ATP5F1B: variants seen among roughly 807,000 people sequenced by gnomAD.
The protein encoded by ATP5F1B is ATP synthase F1 subunit beta, also known as ATP synthase F(1) complex subunit beta, mitochondrial.
ATP5F1B carries 17 observed loss-of-function variants against 45.9 expected under a neutral mutation model. That is an observed-to-expected ratio of 0.37 (90% confidence interval 0.25 to 0.56). The LOEUF (loss-of-function observed/expected upper bound fraction) is 0.56, where lower values mean the gene tolerates loss of function less well. ATP5F1B is among the 20% of genes least tolerant of loss of function. The probability of loss-of-function intolerance (pLI) is 0.80; values close to 1 mark genes in which losing one functional copy is unlikely to be tolerated. For synonymous variants in ATP5F1B, 218 were observed against 256.5 expected (o/e 0.85, Z 1.43); for missense variants, 387 against 673.2 (o/e 0.57, Z 4.70).
Position 56,638,433 on chromosome 12 carries a change from G to T in ATP5F1B, c.1490-10C>A. ...AGATGGTCATATTCACCTGTATGAT[G>T]GGGGAGAAAAAAAAAAAGAGTAAGA... On this transcript the variant is annotated splice_polypyrimidine_tract_variant and intron_variant, in intron 9 of 9. Transcript: ENST00000262030. 6.3e-7 allele frequency: 1 copy of T among 1,586,978 alleles called. No individual in the cohort carries two copies. Among genetic ancestry groups the T allele is most frequent in the African/African-American group, 1.4e-5 (1 of 73,768 alleles).
At position 56,639,368 on chromosome 12, in the gene ATP5F1B, A is replaced by G. The variant is rs536057742; in HGVS notation, c.1288-61T>C. 1.8e-5 allele frequency: 28 copies of G among 1,525,150 alleles called. No homozygotes were observed. The East Asian group carries it at 6.1e-4, about 33-fold the overall frequency. 94.5% of individuals were successfully genotyped at this position (1,525,150 alleles called of 1,614,324 possible). The stretch of plus-strand genomic sequence containing the variant: ...ATTCCTTTAATTTGGACAAGCTAAC[A>G]AAGGGAAAGTTACATGCTAGGGGGC... On this transcript the variant is annotated intron_variant, in intron 8 of 9. Coordinates refer to ENST00000262030, the MANE Select transcript of ATP5F1B (RefSeq NM_001686.4).
chr12:56,638,439 G>T lies in ATP5F1B; in HGVS notation c.1490-16C>A. On this transcript the variant is annotated splice_polypyrimidine_tract_variant and intron_variant, in intron 9 of 9. Coordinates refer to ENST00000262030, the MANE Select transcript of ATP5F1B (RefSeq NM_001686.4). ...TCATATTCACCTGTATGATGGGGGAGAAAAAAAAAAAGAGTAAGAAGCGGA... is the reference window on the plus strand; with the variant it reads ...TCATATTCACCTGTATGATGGGGGATAAAAAAAAAAAGAGTAAGAAGCGGA... 4 of 1,203,712 alleles carry T rather than the reference G, an allele frequency of 3.3e-6. No individual in the cohort carries two copies. Among genetic ancestry groups the T allele is most frequent in the East Asian group, 2.9e-5 (1 of 33,976 alleles). The allele number at this position is 1,203,712 out of a possible 1,614,324, so 74.6% of individuals were successfully genotyped here. A position where few individuals can be genotyped will look rare whatever the true frequency, so the allele number is the denominator to read the frequency against.
chr12:56,640,234 T>A, intron 7 of ATP5F1B, 42 bp from the exon 8 acceptor site: 1 of 1,496,856 alleles, frequency 6.7e-7, no homozygotes, highest in South Asian at 1.2e-5. Context: ...AAAGTAAATT[T>A]TTTTTTTTTT....
Position 56,644,854 on chromosome 12 carries a change from G to A in ATP5F1B, c.412C>T (p.Pro138Ser). 2 of 1,614,134 alleles carry A rather than the reference G, an allele frequency of 1.2e-6. No individual in the cohort carries two copies. Among genetic ancestry groups the A allele is most frequent in the African/African-American group, 1.3e-5 (1 of 75,018 alleles). ...SGAPIKIPVG[P>S]ETLGRIMNVI... ...TTCATGATTCTGCCCAAAGTCTCAGGACCAACAGGAATTTTGATTGGTGCA... is the reference window on the plus strand; with the variant it reads ...TTCATGATTCTGCCCAAAGTCTCAGAACCAACAGGAATTTTGATTGGTGCA... The change falls in exon 3 of 10, where the codon CCT becomes TCT. Residue 138 changes from proline (P) to serine (S), a missense_variant. Pro to Ser is a moderately conservative substitution (Grantham distance 74, BLOSUM62 -1). Around this residue, in one of 6 missense-constraint regions of ATP5F1B, gnomAD observed 113 missense variants for 168.0 expected, o/e 0.67. Coordinates refer to ENST00000262030, the MANE Select transcript of ATP5F1B (RefSeq NM_001686.4).
At chr12:56,644,263 A>T (rs7963454) in intron 3 of ATP5F1B, among the ~76,000 whole-genome samples, 146 of 152,016 alleles carry the variant, frequency 9.6e-4, no homozygotes, top group African/African-American at 3.4e-3. Flanking sequence ...AAATACAAAA[A>T]CCTACAAGTT....
At chr12:56,640,954 C>G (rs551655945) in intron 7 of ATP5F1B, among the ~76,000 whole-genome samples, 24 of 151,164 alleles carry the variant, frequency 1.6e-4, no homozygotes, top group African/African-American at 5.8e-4. Flanking sequence ...GAGGCTGAAG[C>G]AGGTGAATCG....
Position 56,638,303 on chromosome 12 carries a change from G to T in ATP5F1B, c.*20C>A, listed in dbSNP as rs1049022831. The T allele has an allele frequency of 1.1e-5, 18 of 1,603,858 alleles. No individual in the cohort carries two copies. Among genetic ancestry groups the T allele is most frequent in the Admixed American group, 3.3e-5 (2 of 59,926 alleles). On this transcript the variant is annotated 3_prime_UTR_variant, in exon 10 of 10. Transcript: ENST00000262030. ...TGGGTTAGGGGCAAGGAGAGAGACA[G>T]TACAGAGGACAAAGACCCCTCACGA...
chr12:56,642,853 G>A (rs375196006), intron 5 of ATP5F1B, 22 bp from the exon 6 acceptor site: 7 of 1,612,726 alleles, frequency 4.3e-6, no homozygotes, highest in Non-Finnish European at 5.1e-6. Flanking sequence ...ATACATAATC[G>A]TAAAACCTGA....
At chr12:56,642,919 G>A in intron 5 of ATP5F1B, 88 bp from the exon 6 acceptor site, 1 of 1,444,360 alleles carries the variant, frequency 6.9e-7, no homozygotes, top group Non-Finnish European at 9.5e-7. Flanking sequence ...AACGACCACA[G>A]ATCCTTTCTC....
In ATP5F1B at chr12:56,643,888, C is replaced by G; in HGVS notation, c.556G>C (p.Gly186Arg). The change falls in exon 4 of 10, where the codon GGT becomes CGT. Residue 186 changes from glycine to arginine, a missense_variant. Physicochemically the swap from Gly to Arg is moderately radical, Grantham distance 125. Around this residue, in one of 6 missense-constraint regions of ATP5F1B, gnomAD observed 8 missense variants for 21.1 expected, o/e 0.38. Coordinates refer to ENST00000262030, the MANE Select transcript of ATP5F1B (RefSeq NM_001686.4). The stretch of plus-strand genomic sequence containing the variant: ...GCTAGCAGATCGACAACCTTGATAC[C>G]AGTCACCAGAATTTCCTGCTCAACA... ...MSVEQEILVT[G>R]IKVVDLLAPY... 6.2e-7 allele frequency: 1 copy of G among 1,614,202 alleles called. No homozygotes were observed. Among genetic ancestry groups the G allele is most frequent in the Non-Finnish European group, 8.5e-7 (1 of 1,180,038 alleles).
Position 56,644,812 on chromosome 12 carries a change from T to C in ATP5F1B, c.454A>G (p.Ile152Val). The C allele has an allele frequency of 1.2e-6, 2 of 1,614,050 alleles. No homozygotes were observed. Among genetic ancestry groups the C allele is most frequent in the African/African-American group, 1.3e-5 (1 of 75,068 alleles). Residue 152 changes from isoleucine to valine, a missense_variant, in exon 3 of 10, where the codon ATT becomes GTT. Physicochemically the swap from Ile to Val is conservative, Grantham distance 29 (BLOSUM62 3). Transcript: ENST00000262030. ...GRIMNVIGEP[I>V]DERGPIKTKQ... ...GTTTTGATGGGACCTCTTTCATCAA[T>C]AGGTTCTCCAATGACATTCATGATT...
intron 2 of ATP5F1B, 41 bp downstream of exon 2, chr12:56,645,130 G>A: frequency 1.2e-6 from 2 of 1,612,882 alleles, no homozygotes; most frequent in Non-Finnish European, 1.7e-6. Context: ...GGATATTTGG[G>A]CTACACAAGG....
Position 56,643,859 on chromosome 12 carries a change from G to A in ATP5F1B, c.585C>T (p.Pro195=). The change falls in exon 4 of 10, where the codon CCC becomes CCT. Residue 195 remains proline, a synonymous_variant. Transcript: ENST00000262030. ...TACCAATTTTGCCACCCTTGGCATA[G>A]GGAGCTAGCAGATCGACAACCTTGA... is the stretch of plus-strand genomic sequence containing the variant. ...TGIKVVDLLA[P]YAKGGKIGLF... is the part of the protein sequence containing the mutation. The A allele has an allele frequency of 6.2e-7, 1 of 1,614,162 alleles. No individual in the cohort carries two copies. Among genetic ancestry groups the A allele is most frequent in the Non-Finnish European group, 8.5e-7 (1 of 1,180,042 alleles).
At position 56,642,868 on chromosome 12, in the gene ATP5F1B, GGAGTA is replaced by G. The variant is rs1565848242; in HGVS notation, c.793-42_793-38del. ...ATACATAATCGTAAAACCTGACAAA[GGAGTA>G]GAGAAGCCACATACTGAAGGTTCCC... On this transcript the variant is annotated intron_variant, in intron 5 of 9. Coordinates refer to ENST00000262030, the MANE Select transcript of ATP5F1B (RefSeq NM_001686.4). 3 of 1,609,492 alleles carry G rather than the reference GGAGTA, an allele frequency of 1.9e-6. No individual in the cohort carries two copies. In the African/African-American group the frequency reaches 4.0e-5, roughly 22 times the overall value.
intron 7 of ATP5F1B, among the ~76,000 whole-genome samples, chr12:56,641,392 A>G (rs898786779): frequency 6.6e-6 from 1 of 152,012 alleles, no homozygotes; most frequent in African/African-American, 2.4e-5. Context: ...ATTAAAAACA[A>G]GAACAAAAAA....
intron 9 of ATP5F1B, among the ~76,000 whole-genome samples, chr12:56,638,877 C>T (rs1487049867): frequency 6.6e-6 from 1 of 152,148 alleles, no homozygotes; most frequent in Non-Finnish European, 1.5e-5. Flanking sequence ...GCCTGGGCGA[C>T]AGAGACTCAG....
rs771052890 is a variant in ATP5F1B at position 56,645,200 on chromosome 12, C to G, written c.281G>C (p.Arg94Thr). The G allele has an allele frequency of 1.2e-6, 2 of 1,614,084 alleles. No individual in the cohort carries two copies. The highest frequency in any genetic ancestry group is 1.7e-6 in the Non-Finnish European group (2 of 1,180,012). The change falls in exon 2 of 10, where the codon AGA becomes ACA. Residue 94 changes from arginine (R) to threonine (T), a missense_variant. This residue lies in a region of ATP5F1B where 113 missense variants were observed against 168.0 expected (regional missense o/e 0.67). Coordinates refer to ENST00000262030, the MANE Select transcript of ATP5F1B (RefSeq NM_001686.4). The part of the protein sequence containing the change: ...NALEVQGRET[R>T]LVLEVAQHLG... ...ATGCTGGGCCACCTCCAAAACCAGT[C>G]TGGTCTCCCTGCCTTGCACTTCCAG...
Position 56,645,125 on chromosome 12 carries a change from T to G in ATP5F1B, c.310+46A>C, listed in dbSNP as rs1337050316. 4 of 1,612,802 alleles carry G rather than the reference T, an allele frequency of 2.5e-6. No individual in the cohort carries two copies. In the South Asian group the frequency reaches 4.4e-5, roughly 18 times the overall value. On this transcript the variant is annotated intron_variant, in intron 2 of 9. Coordinates refer to ENST00000262030, the MANE Select transcript of ATP5F1B (RefSeq NM_001686.4). ...GGCAGACAGCTTGGTTTTGGGGATA[T>G]TTGGGCTACACAAGGTCTTTACTAT...
intron 4 of ATP5F1B, 112 bp downstream of exon 4, chr12:56,643,723 GAA>G (rs752368037): frequency 5.1e-6 from 8 of 1,576,848 alleles, no homozygotes; most frequent in Non-Finnish European, 7.0e-6. Context: ...TCAGAAGAAC[GAA>G]AGTCAGAACG....
Sources: gnomAD v4.1 joint callset for allele counts (sites outside exome capture counted in the v4.1 genomes callset) on GRCh38, gnomAD v4.1.1 for gene constraint, gnomAD v4.1.1 regional missense constraint, MANE v1.5 for transcripts, NCBI Gene and HGNC (gene_info 2026-07-23, HGNC 2026-07-21) for gene names.